SLC5A8: variants seen among roughly 807,000 people sequenced by gnomAD.
The protein encoded by SLC5A8 is solute carrier family 5 member 8.
Under a neutral mutation model 71.9 loss-of-function variants are expected in SLC5A8, and 55 were observed. The ratio of observed to expected loss-of-function variants is 0.77; its 90% CI spans 0.62 to 0.96. SLC5A8 has a LOEUF of 0.96. Ranked by LOEUF, SLC5A8 falls within the 40% of genes least tolerant of loss-of-function variation. The pLI, the probability that SLC5A8 is intolerant of heterozygous loss-of-function variation, is 0.00. For missense variants in SLC5A8, 701 were observed against 745.3 expected (o/e 0.94, Z 0.69); for synonymous variants, 307 against 276.1 (o/e 1.11, Z -1.11).
chr12:101,179,331 CA>C (rs998764049), intron 10 of SLC5A8, among the ~76,000 whole-genome samples: 11 of 152,298 alleles, frequency 7.2e-5, no homozygotes, highest in African/African-American at 2.2e-4. Flanking sequence ...TATGCTCACA[CA>C]AAAACCTTTA....
intron 6 of SLC5A8, among the ~76,000 whole-genome samples, chr12:101,187,908 T>G (rs1041138749): frequency 6.6e-6 from 1 of 152,266 alleles, no homozygotes; most frequent in Admixed American, 6.5e-5. Context: ...AATTGTAAAC[T>G]GCTAAACATT....
At chr12:101,176,241 CAG>C (rs1245427917) in intron 10 of SLC5A8, among the ~76,000 whole-genome samples, 1 of 151,962 alleles carries the variant, frequency 6.6e-6, no homozygotes, top group Non-Finnish European at 1.5e-5. Context: ...AAAAATTTCT[CAG>C]AGACAGATAG....
At chr12:101,159,319 G>C (rs1192317008) in intron 13 of SLC5A8, among the ~76,000 whole-genome samples, 1 of 152,172 alleles carries the variant, frequency 6.6e-6, no homozygotes, top group Non-Finnish European at 1.5e-5. Flanking sequence ...CTGTGTGCTG[G>C]AGATGCTGCT....
intron 2 of SLC5A8, 51 bp from the exon 3 acceptor site, chr12:101,202,266 G>T: frequency 7.1e-7 from 1 of 1,414,964 alleles, no homozygotes; most frequent in African/African-American, 1.5e-5. Context: ...TAAAATTCAT[G>T]AATTACGTCT....
intron 13 of SLC5A8, among the ~76,000 whole-genome samples, chr12:101,158,855 T>C (rs979972467): frequency 2.7e-5 from 4 of 149,810 alleles, no homozygotes; most frequent in African/African-American, 9.8e-5. Context: ...TATGAAGAAA[T>C]GCAGGCAATT....
intron 5 of SLC5A8, 72 bp downstream of exon 5, chr12:101,193,553 C>T (rs1310732213): frequency 3.4e-6 from 5 of 1,489,868 alleles, no homozygotes; most frequent in Non-Finnish European, 4.5e-6. Context: ...TGTAAATCTA[C>T]TATTTCAATA....
chr12:101,197,248 T>G (rs1450144772), intron 3 of SLC5A8, among the ~76,000 whole-genome samples: 1 of 152,208 alleles, frequency 6.6e-6, no homozygotes, highest in Non-Finnish European at 1.5e-5. Context: ...AAGTTTCTCT[T>G]TATAGCAGTA....
chr12:101,204,668 C>T (rs1279840811), intron 1 of SLC5A8, 103 bp from the exon 2 acceptor site: 2 of 722,996 alleles, frequency 2.8e-6, no homozygotes, highest in African/African-American at 3.6e-5. Context: ...AACTTCATAA[C>T]TGATTTGTAT....
intron 12 of SLC5A8, among the ~76,000 whole-genome samples, chr12:101,164,031 A>G (rs2051746236): frequency 6.6e-6 from 1 of 152,220 alleles, no homozygotes; most frequent in African/African-American, 2.4e-5. Context: ...AATTAGTGGA[A>G]TATCTTTATG....
intron 10 of SLC5A8, among the ~76,000 whole-genome samples, chr12:101,170,783 A>G (rs1212516903): frequency 2.0e-5 from 3 of 152,084 alleles, no homozygotes; most frequent in East Asian, 1.9e-4. Context: ...TGGCAATGAC[A>G]TGGGAGGCCT....
At chr12:101,162,119 C>T (rs757571542) in intron 12 of SLC5A8, 42 bp from the exon 13 acceptor site, 1 of 1,308,414 alleles carries the variant, frequency 7.6e-7, no homozygotes, top group East Asian at 2.3e-5. Flanking sequence ...CATGTAATGC[C>T]ACTAGCAACT....
At chr12:101,176,320 C>T (rs1163184993) in intron 10 of SLC5A8, among the ~76,000 whole-genome samples, 2 of 151,850 alleles carry the variant, frequency 1.3e-5, no homozygotes, top group Non-Finnish European at 2.9e-5. Context: ...AAAGCAAAAA[C>T]TGATAGAACT....
chr12:101,207,149 G>C (rs1869710142), intron 1 of SLC5A8, among the ~76,000 whole-genome samples: 1 of 152,176 alleles, frequency 6.6e-6, no homozygotes, highest in Non-Finnish European at 1.5e-5. Flanking sequence ...CCAACTGCCT[G>C]GCACCCTGGA....
intron 10 of SLC5A8, 85 bp downstream of exon 10, chr12:101,179,944 G>C: frequency 7.1e-7 from 1 of 1,414,660 alleles, no homozygotes; most frequent in Admixed American, 1.7e-5. Context: ...GATATATATC[G>C]AGAGAAGTCT....
In SLC5A8 at chr12:101,187,451, C is replaced by A. The variant is rs377445681; in HGVS notation, c.898G>T (p.Ala300Ser). 5.6e-6 allele frequency: 9 copies of A among 1,613,694 alleles called. No homozygotes were observed. The East Asian group carries it at 6.7e-5, about 12-fold the overall frequency. Residue 300 changes from alanine (A) to serine (S), a missense_variant, in exon 7 of 15, where the codon GCC (alanine) becomes TCC (serine). Coordinates refer to ENST00000536262, the MANE Select transcript of SLC5A8 (RefSeq NM_145913.5). ...CAGTCATGGTACCTGGAATATAGGGCGAGCCCACAAAACACTGAGCATGTG... is the reference window on the plus strand; with the variant it reads ...CAGTCATGGTACCTGGAATATAGGGAGAGCCCACAAAACACTGAGCATGTG... ...ILTCSVFCGL[A>S]LYSRYHDCDP...
At chr12:101,158,383 A>C in intron 13 of SLC5A8, 55 bp from the exon 14 acceptor site, 1 of 1,108,888 alleles carries the variant, frequency 9.0e-7, no homozygotes, top group East Asian at 2.4e-5. Flanking sequence ...CAGTAACTAC[A>C]CAGAGACATT....
chr12:101,167,973 A>T, intron 11 of SLC5A8, 123 bp downstream of exon 11: 1 of 918,498 alleles, frequency 1.1e-6, no homozygotes, highest in Non-Finnish European at 1.7e-6. Context: ...CAACAGAAAT[A>T]ATTTAAGTCA....
chr12:101,160,773 A>G (rs2051716495), intron 13 of SLC5A8, among the ~76,000 whole-genome samples: 1 of 152,358 alleles, frequency 6.6e-6, no homozygotes, highest in East Asian at 1.9e-4. Flanking sequence ...AATATCTCAC[A>G]TAGTAGACCT....
chr12:101,175,977 T>C (rs571068310), intron 10 of SLC5A8, among the ~76,000 whole-genome samples: 17 of 152,118 alleles, frequency 1.1e-4, no homozygotes, highest in Admixed American at 4.6e-4. Flanking sequence ...AAAAACTGAT[T>C]CTTAAGCCCT....
Sources: allele counts gnomAD v4.1 joint callset (sites outside exome capture counted in the v4.1 genomes callset), GRCh38; gene constraint gnomAD v4.1.1; transcripts MANE v1.5; gene names NCBI Gene and HGNC (gene_info 2026-07-23, HGNC 2026-07-21).